The following CDH18 variants were observed in gnomAD, a reference collection of about 807,000 sequenced individuals.
The protein encoded by CDH18 is cadherin-18.
A neutral mutation model predicts 67.9 loss-of-function variants in CDH18; 31 were observed. The observed-to-expected ratio is 0.46, with a 90% CI of 0.34 to 0.62. The LOEUF (loss-of-function observed/expected upper bound fraction) is 0.62. Among genes scored for constraint, CDH18 ranks in the 20% least tolerant of loss-of-function variants. CDH18 has a pLI of 0.01. For synonymous variants in CDH18, 362 were observed against 347.2 expected, an observed-to-expected ratio of 1.04 and a Z score of -0.48; for missense variants, 890 against 975.5, an observed-to-expected ratio of 0.91 and a Z score of 1.17.
chr5:19,601,993 T>TGGGTGAAACCC (rs1174750796), intron 6 of CDH18, among the ~76,000 whole-genome samples: 5 of 151,974 alleles, frequency 3.3e-5, no homozygotes, highest in African/African-American at 1.2e-4. Flanking sequence ...ACAACTAATA[T>TGGGTGAAACCC]CACTAAAATG....
At chr5:19,721,095 A>G (rs775561450) in intron 5 of CDH18, among the ~76,000 whole-genome samples, 2 of 152,246 alleles carry the variant, frequency 1.3e-5, no homozygotes, top group Non-Finnish European at 2.9e-5. Flanking sequence ...TTACAGAAAT[A>G]CTGAAGGATA....
At chr5:19,478,849 T>A (rs1225229329) in intron 12 of CDH18, among the ~76,000 whole-genome samples, 1 of 152,156 alleles carries the variant, frequency 6.6e-6, no homozygotes, top group Non-Finnish European at 1.5e-5. Flanking sequence ...TCTACTGTCA[T>A]GGTAAATTCT....
chr5:19,638,977 G>GTTTTTTTTTTTTGTTTTTTTTT (rs1753590190), intron 5 of CDH18, among the ~76,000 whole-genome samples: 1 of 54,686 alleles, frequency 1.8e-5, no homozygotes, highest in African/African-American at 5.2e-5. Context: ...TTTTGTTGCT[G>GTTTTTTTTTTTTGTTTTTTTTT]TTTTTTTTTT....
intron 3 of CDH18, among the ~76,000 whole-genome samples, chr5:19,837,783 C>T (rs992650486): frequency 7.3e-6 from 1 of 137,618 alleles, no homozygotes; most frequent in Non-Finnish European, 1.6e-5. Flanking sequence ...ACTAACAGTG[C>T]TAAAGTGAGA....
chr5:19,913,094 A>C (rs1180560334), intron 2 of CDH18, among the ~76,000 whole-genome samples: 1 of 152,238 alleles, frequency 6.6e-6, no homozygotes, highest in African/African-American at 2.4e-5. Flanking sequence ...GAAAAGAGGT[A>C]CCGATTTTTT....
chr5:20,549,337 G>C (rs74291111), intron 1 of CDH18, among the ~76,000 whole-genome samples: 2 of 151,820 alleles, frequency 1.3e-5, no homozygotes, highest in East Asian at 1.9e-4. Context: ...CTTCTTAATA[G>C]GTAAAATACA....
At chr5:20,426,500 CA>C (rs751363374) in intron 1 of CDH18, among the ~76,000 whole-genome samples, 4 of 150,652 alleles carry the variant, frequency 2.7e-5, no homozygotes, top group Admixed American at 6.6e-5. Flanking sequence ...TTAAAAGAAA[CA>C]AAAAAAACTT....
intron 9 of CDH18, among the ~76,000 whole-genome samples, chr5:19,530,498 A>G (rs900933507): frequency 1.3e-5 from 2 of 152,160 alleles, no homozygotes; most frequent in Non-Finnish European, 2.9e-5. Context: ...TTTGTTACAT[A>G]TGTATACATG....
intron 1 of CDH18, among the ~76,000 whole-genome samples, chr5:20,263,297 A>G (rs1012669552): frequency 6.6e-6 from 1 of 152,142 alleles, no homozygotes; most frequent in Non-Finnish European, 1.5e-5. Context: ...GCGTAGTGTC[A>G]GAAAAAAAAA....
In CDH18 at chr5:20,443,207, C is replaced by CTCAAAA. The variant is rs1491460573; in HGVS notation, c.-580+132254_-580+132255insTTTTGA. ...CCTGGGTGATAGAGCGAGACTCCGT[C>CTCAAAA]ACAAAAAAAAAAAAAAAAAAAAAAG... On this transcript the variant is annotated intron_variant, in intron 1 of 14. Coordinates refer to the CDH18 transcript ENST00000507958. Among the ~76,000 whole-genome samples the CTCAAAA allele has an allele frequency of 9.1e-4, 23 of 25,380 alleles. 1 individual carries two copies. The highest frequency in any genetic ancestry group is 1.8e-3 in the South Asian group (1 of 570). 16.7% of individuals were successfully genotyped at this position (25,380 alleles called of 152,430 possible). A position where few individuals can be genotyped will look rare whatever the true frequency, so the allele number is the denominator to read the frequency against.
intron 9 of CDH18, among the ~76,000 whole-genome samples, chr5:19,522,301 A>G (rs1334748437): frequency 6.6e-6 from 1 of 152,172 alleles, no homozygotes; most frequent in African/African-American, 2.4e-5. Flanking sequence ...CATCATTCTT[A>G]ATGGTGAAAA....
intron 2 of CDH18, among the ~76,000 whole-genome samples, chr5:19,976,936 A>G (rs1579911054): frequency 6.6e-6 from 1 of 152,258 alleles, no homozygotes. Context: ...ATAACACTTG[A>G]TTTTTAAAAA....
chr5:20,178,160 T>C (rs551930583), intron 2 of CDH18, among the ~76,000 whole-genome samples: 1 of 152,220 alleles, frequency 6.6e-6, no homozygotes, highest in African/African-American at 2.4e-5. Flanking sequence ...CATTTGACAT[T>C]GGACTTGAAT....
Position 19,575,597 on chromosome 5 carries a change from G to T in CDH18, c.1000-3765C>A, listed in dbSNP as rs1742185289. Among the ~76,000 whole-genome samples the T allele has an allele frequency of 1.3e-5, 2 of 152,196 alleles. 1 individual carries two copies. Among genetic ancestry groups the T allele is most frequent in the South Asian group, 4.1e-4 (2 of 4,832 alleles). ...TTTTACTGGAATGGTGCTTAGAATT[G>T]TCCTGTGGGTGCTGAGAAATGAAGC... is the stretch of plus-strand genomic sequence containing the variant. On this transcript the variant is annotated intron_variant, in intron 7 of 12. Coordinates refer to ENST00000382275, the MANE Select transcript of CDH18 (RefSeq NM_004934.5).
At chr5:20,476,313 T>A (rs1333779182) in intron 1 of CDH18, among the ~76,000 whole-genome samples, 4 of 149,520 alleles carry the variant, frequency 2.7e-5, no homozygotes, top group African/African-American at 1.0e-4. Context: ...AGGTAGTTAA[T>A]ATACCGATAC....
chr5:19,929,531 C>A (rs932598292), intron 2 of CDH18, among the ~76,000 whole-genome samples: 1 of 152,038 alleles, frequency 6.6e-6, no homozygotes, highest in African/African-American at 2.4e-5. Flanking sequence ...ATTACGGACA[C>A]CTTCAGAGTA....
intron 11 of CDH18, among the ~76,000 whole-genome samples, chr5:19,485,961 A>C (rs950001042): frequency 1.3e-5 from 2 of 152,204 alleles, no homozygotes; most frequent in African/African-American, 2.4e-5. Flanking sequence ...AAACTATTGG[A>C]AATGCAATCA....
intron 2 of CDH18, among the ~76,000 whole-genome samples, chr5:20,067,030 A>G (rs184628726): frequency 7.2e-5 from 11 of 152,134 alleles, no homozygotes; most frequent in African/African-American, 2.4e-4. Context: ...CAACAGTAAA[A>G]AATAATACAA....
At chr5:20,029,295 A>G (rs1739180819) in intron 2 of CDH18, among the ~76,000 whole-genome samples, 1 of 152,174 alleles carries the variant, frequency 6.6e-6, no homozygotes. Context: ...GGTCAGAAAG[A>G]GGTAGATGCT....
Sources: allele counts gnomAD v4.1 joint callset (sites outside exome capture counted in the v4.1 genomes callset), GRCh38; gene constraint gnomAD v4.1.1; transcripts MANE v1.5; gene names NCBI Gene and HGNC (gene_info 2026-07-23, HGNC 2026-07-21).